CTNNA1: variants seen among roughly 807,000 people sequenced by gnomAD.
CTNNA1 encodes catenin alpha-1.
CTNNA1 carries 37 observed loss-of-function variants against 98.4 expected under a neutral mutation model. The observed-to-expected ratio is 0.38, with a 90% CI of 0.29 to 0.49. CTNNA1 has a LOEUF of 0.49. Among genes scored for constraint, CTNNA1 ranks in the 20% least tolerant of loss-of-function variants. The pLI, the probability that CTNNA1 is intolerant of heterozygous loss-of-function variation, is 0.95. For missense variants in CTNNA1, 761 were observed against 1,147.2 expected, an observed-to-expected ratio of 0.66 and a Z score of 4.86; for synonymous variants, 404 against 413.2, an observed-to-expected ratio of 0.98 and a Z score of 0.27.
intron 3 of CTNNA1, among the ~76,000 whole-genome samples, chr5:138,804,984 G>T (rs2149714011): frequency 6.6e-6 from 1 of 152,282 alleles, no homozygotes. Context: ...TCTCCTTCTG[G>T]GGTGGCCTCA....
intron 7 of CTNNA1, among the ~76,000 whole-genome samples, chr5:138,877,267 C>G (rs1453603925): frequency 6.6e-6 from 1 of 152,092 alleles, no homozygotes; most frequent in East Asian, 1.9e-4. Context: ...ACTTCTTAAC[C>G]TGGTTCCATA....
At chr5:138,896,781 C>T (rs1429800356) in intron 9 of CTNNA1, among the ~76,000 whole-genome samples, 1 of 152,170 alleles carries the variant, frequency 6.6e-6, no homozygotes, top group Non-Finnish European at 1.5e-5. Flanking sequence ...CTATCAAGTT[C>T]ATGATTTCTT....
chr5:138,873,965 T>C lies in CTNNA1; in HGVS notation c.1063-12247T>C. 6.2e-7 allele frequency: 1 copy of C among 1,614,004 alleles called. No homozygotes were observed. The highest frequency in any genetic ancestry group is 8.5e-7 in the Non-Finnish European group (1 of 1,179,894). ...CAGTTTAATTAATCCTGCAAATCCA[T>C]TGCGAGCCAAACTTCGCAAACGATT... On this transcript the variant is annotated intron_variant, in intron 7 of 17. Coordinates refer to ENST00000302763, the MANE Select transcript of CTNNA1 (RefSeq NM_001903.5). The surrounding 1 kb of genome is among the most constrained non-coding windows in gnomAD (Gnocchi z 6.1).
At chr5:138,907,708 A>G (rs1429862986) in intron 10 of CTNNA1, among the ~76,000 whole-genome samples, 3 of 152,246 alleles carry the variant, frequency 2.0e-5, no homozygotes, top group African/African-American at 7.2e-5. Context: ...AATATGCTGC[A>G]GCATGTAGCC....
chr5:138,839,016 T>A (rs536725547), intron 7 of CTNNA1, among the ~76,000 whole-genome samples: 1 of 152,328 alleles, frequency 6.6e-6, no homozygotes, highest in South Asian at 2.1e-4. Flanking sequence ...TAGAAGTATG[T>A]TGTGTAATTT....
At chr5:138,766,229 C>G (rs2174972) in intron 1 of CTNNA1, among the ~76,000 whole-genome samples, 103,378 of 151,936 alleles carry the variant, frequency 0.68, 35,406 homozygotes, top group East Asian at 0.93. Context: ...TGACAGATGT[C>G]TGAGTCTTGA....
chr5:138,889,365 C>T (rs901734106), intron 9 of CTNNA1, among the ~76,000 whole-genome samples: 7 of 152,248 alleles, frequency 4.6e-5, no homozygotes, highest in Admixed American at 4.6e-4. Flanking sequence ...CAGCTATGTG[C>T]AAGTACAGTG....
intron 7 of CTNNA1, among the ~76,000 whole-genome samples, chr5:138,885,093 A>G (rs928939537): frequency 6.6e-6 from 1 of 152,178 alleles, no homozygotes; most frequent in Non-Finnish European, 1.5e-5. Flanking sequence ...AATATTTCTA[A>G]CAGTCCATAG....
At chr5:138,770,906 T>G (rs1347392148) in intron 1 of CTNNA1, among the ~76,000 whole-genome samples, 1 of 150,662 alleles carries the variant, frequency 6.6e-6, no homozygotes, top group East Asian at 2.0e-4. Flanking sequence ...GAGCCGAGAT[T>G]GCGCCACTGC....
chr5:138,772,152 C>T (rs971284373), intron 1 of CTNNA1, among the ~76,000 whole-genome samples: 1 of 152,214 alleles, frequency 6.6e-6, no homozygotes, highest in African/African-American at 2.4e-5. Context: ...ATTTTCTCCT[C>T]ATTGCTTCTC....
chr5:138,876,189 G>A (rs1461842960), intron 7 of CTNNA1, among the ~76,000 whole-genome samples: 1 of 152,144 alleles, frequency 6.6e-6, no homozygotes, highest in African/African-American at 2.4e-5. Context: ...TTTTACCTCA[G>A]AATCTCACCT....
intron 5 of CTNNA1, 64 bp downstream of exon 5, chr5:138,812,366 T>C (rs1272618827): frequency 6.5e-7 from 1 of 1,541,184 alleles, no homozygotes; most frequent in Non-Finnish European, 8.8e-7. Context: ...GAAAAACTCA[T>C]TCTGTGTGTT....
chr5:138,912,386 T>A (rs1429015063), intron 10 of CTNNA1, among the ~76,000 whole-genome samples: 2 of 151,580 alleles, frequency 1.3e-5, no homozygotes, highest in African/African-American at 2.4e-5. Context: ...TAGAAGAAGA[T>A]GAGAGAGCAA....
At chr5:138,764,192 CAAAA>C (rs1252765449) in intron 1 of CTNNA1, among the ~76,000 whole-genome samples, 2 of 145,730 alleles carry the variant, frequency 1.4e-5, no homozygotes, top group Non-Finnish European at 3.0e-5. Context: ...CTCAAAAAAA[CAAAA>C]AACAAAAAAC....
At chr5:138,869,485 C>T (rs1416201215) in intron 7 of CTNNA1, 2 of 151,396 alleles carry the variant, frequency 1.3e-5, no homozygotes, top group Non-Finnish European at 2.9e-5. Context: ...ATTAGGAAAA[C>T]GATCATGTAA....
At chr5:138,806,539 T>C (rs567268651) in intron 3 of CTNNA1, among the ~76,000 whole-genome samples, 2 of 152,296 alleles carry the variant, frequency 1.3e-5, no homozygotes, top group African/African-American at 4.8e-5. Context: ...GCTCTCACTG[T>C]AGCTTTCTGA....
intron 7 of CTNNA1, among the ~76,000 whole-genome samples, chr5:138,878,348 T>C (rs1168443151): frequency 6.6e-6 from 1 of 152,240 alleles, no homozygotes; most frequent in East Asian, 1.9e-4. Flanking sequence ...TTTTGGTCTT[T>C]ATCTTTCTTT....
At position 138,933,939 on chromosome 5, in the gene CTNNA1, G is replaced by A. The variant is rs2150359355; in HGVS notation, c.2571G>A (p.Val857=). 6.2e-7 allele frequency: 1 copy of A among 1,614,168 alleles called. No homozygotes were observed. The highest frequency in any genetic ancestry group is 1.1e-5 in the South Asian group (1 of 91,074). ...TGGCTTCCCTCAACCTTCCTGCTGT[G>A]TCATGGAAGATGAAGGCACCAGAGA... The part of the protein sequence containing the change: ...QGMASLNLPA[V]SWKMKAPEKK... The change falls in exon 18 of 18, where the codon GTG becomes GTA. Residue 857 remains valine, a synonymous_variant. Coordinates refer to ENST00000302763, the MANE Select transcript of CTNNA1 (RefSeq NM_001903.5).
Position 138,930,650 on chromosome 5 carries a change from A to G in CTNNA1, c.2188A>G (p.Thr730Ala). ...GATTATGATGGAGATGACAGACTTT[A>G]CCCGGTGAGCAGCACCCCGGCCCCA... ...CMIMMEMTDF[T>A]RGKGPLKNTS... The change falls in exon 15 of 18, where the codon ACC (threonine) becomes GCC (alanine). Residue 730 changes from threonine to alanine, a missense_variant. Coordinates refer to ENST00000302763, the MANE Select transcript of CTNNA1 (RefSeq NM_001903.5). The G allele has an allele frequency of 1.2e-6, 2 of 1,611,684 alleles. No homozygotes were observed. Among genetic ancestry groups the G allele is most frequent in the Non-Finnish European group, 1.7e-6 (2 of 1,178,556 alleles).
Sources: allele counts gnomAD v4.1 joint callset (sites outside exome capture counted in the v4.1 genomes callset), GRCh38; gene constraint gnomAD v4.1.1; non-coding constraint Gnocchi (gnomAD v3.1); transcripts MANE v1.5; gene names NCBI Gene and HGNC (gene_info 2026-07-23, HGNC 2026-07-21).